The following COP1 variants were observed in gnomAD, a reference collection of about 807,000 sequenced individuals.
The protein encoded by COP1 is COP1 E3 ubiquitin ligase, also known as E3 ubiquitin-protein ligase COP1.
A neutral mutation model predicts 101.3 loss-of-function variants in COP1; 24 were observed. That is an observed-to-expected ratio of 0.24 (90% CI 0.17 to 0.33). The LOEUF (loss-of-function observed/expected upper bound fraction) is 0.33. Ranked by LOEUF, COP1 falls within the 10% of genes least tolerant of loss-of-function variation. The pLI, the probability that COP1 is intolerant of heterozygous loss-of-function variation, is 1.00. For synonymous variants in COP1, 347 were observed against 341.9 expected, an observed-to-expected ratio of 1.01 and a Z score of -0.17; for missense variants, 663 against 906.2, an observed-to-expected ratio of 0.73 and a Z score of 3.45.
intron 9 of COP1, among the ~76,000 whole-genome samples, chr1:176,091,359 CA>C (rs1057404860): frequency 4.0e-4 from 58 of 145,216 alleles, no homozygotes; most frequent in African/African-American, 1.1e-3. Flanking sequence ...AAAAAAAAAA[CA>C]AAAAAAAAAA....
intron 1 of COP1, among the ~76,000 whole-genome samples, chr1:176,197,114 C>T (rs948825408): frequency 1.3e-5 from 2 of 152,144 alleles, no homozygotes; most frequent in African/African-American, 4.8e-5. Context: ...AAAATACAGT[C>T]ATATTGGTGG....
rs753751966 is a variant in COP1, at chr1:176,081,290, A to G, written c.1142-3T>C. The G allele has an allele frequency of 1.8e-5, 27 of 1,540,834 alleles. No homozygotes were observed. In the South Asian group the frequency reaches 2.9e-4, roughly 17 times the overall value. On this transcript the variant is annotated splice_region_variant and splice_polypyrimidine_tract_variant and intron_variant, in intron 10 of 19. Coordinates refer to ENST00000367669, the MANE Select transcript of COP1 (RefSeq NM_022457.7). ...CTGGCTTGCAGTTCGACTGTCATCT[A>G]TATGAAAAAAAAAAAAAAAAGACAA...
intron 12 of COP1, among the ~76,000 whole-genome samples, chr1:176,044,321 TA>T (rs1408788261): frequency 4.6e-5 from 7 of 152,230 alleles, no homozygotes; most frequent in Non-Finnish European, 1.0e-4. Flanking sequence ...TAAAAGCATC[TA>T]AAAGTTAGAA....
At chr1:176,133,457 G>A (rs931743531) in intron 8 of COP1, among the ~76,000 whole-genome samples, 5 of 151,718 alleles carry the variant, frequency 3.3e-5, no homozygotes, top group Admixed American at 2.0e-4. Context: ...TGACTGAAAC[G>A]TCATTATGCA....
chr1:175,986,934 A>G lies in COP1; in HGVS notation c.2133+9T>C. On this transcript the variant is annotated intron_variant, in intron 18 of 19. Coordinates refer to ENST00000367669, the MANE Select transcript of COP1 (RefSeq NM_022457.7). Reference sequence around the variant, plus strand: ...ATCCCAAGGTGAAAAAACTGATATGAAAACTTACCCCATCTGGTAGTGCCC... The same window carrying G: ...ATCCCAAGGTGAAAAAACTGATATGGAAACTTACCCCATCTGGTAGTGCCC... 1 of 1,572,172 alleles carries G rather than the reference A, an allele frequency of 6.4e-7. No homozygotes were observed.
intron 3 of COP1, among the ~76,000 whole-genome samples, chr1:176,175,547 C>A (rs111801798): frequency 2.0e-4 from 31 of 152,272 alleles, no homozygotes; most frequent in African/African-American, 7.2e-4. Context: ...AATCTAATGC[C>A]ACCCACTGAT....
intron 11 of COP1, among the ~76,000 whole-genome samples, chr1:176,068,118 G>A (rs1572041218): frequency 1.3e-5 from 2 of 152,270 alleles, no homozygotes; most frequent in East Asian, 3.9e-4. Flanking sequence ...ACCTAAAACT[G>A]CTCCATAAAA....
At chr1:176,177,369 G>GA (rs942579286) in intron 2 of COP1, among the ~76,000 whole-genome samples, 1 of 140,652 alleles carries the variant, frequency 7.1e-6, no homozygotes, top group Non-Finnish European at 1.6e-5. Flanking sequence ...AAAGAAAAAA[G>GA]AAAAAAATGT....
chr1:176,007,662 C>T (rs1348130974), intron 15 of COP1, among the ~76,000 whole-genome samples: 1 of 152,054 alleles, frequency 6.6e-6, no homozygotes, highest in Non-Finnish European at 1.5e-5. Flanking sequence ...GCTCAGGGGT[C>T]AGGGGTCAGG....
At chr1:176,011,784 G>C (rs1290643864) in intron 15 of COP1, among the ~76,000 whole-genome samples, 3 of 152,162 alleles carry the variant, frequency 2.0e-5, no homozygotes. Context: ...GAGCTGACAA[G>C]TTCCTATCAC....
At chr1:175,976,267 A>ATTATTTTTTTT (rs1225101059) in intron 18 of COP1, among the ~76,000 whole-genome samples, 1 of 41,762 alleles carries the variant, frequency 2.4e-5, no homozygotes, top group Non-Finnish European at 6.1e-5. Flanking sequence ...TCAATTAGTC[A>ATTATTTTTTTT]TTCTTTTTTT....
At chr1:176,165,353 A>G (rs953283368) in intron 3 of COP1, among the ~76,000 whole-genome samples, 1 of 137,114 alleles carries the variant, frequency 7.3e-6, no homozygotes, top group Non-Finnish European at 1.6e-5. Context: ...AGAGAGAGAG[A>G]TGTGTGTCGT....
At chr1:176,013,863 A>G (rs1166044264) in intron 15 of COP1, among the ~76,000 whole-genome samples, 2 of 152,322 alleles carry the variant, frequency 1.3e-5, no homozygotes, top group Middle Eastern at 3.4e-3. Context: ...CTAGGAAAGT[A>G]CCTGTGGCTT....
intron 9 of COP1, among the ~76,000 whole-genome samples, chr1:176,090,349 C>T (rs527732678): frequency 1.4e-4 from 21 of 152,244 alleles, no homozygotes; most frequent in Non-Finnish European, 2.8e-4. Flanking sequence ...GAGACTATGC[C>T]TCAGGCCAGG....
chr1:175,968,334 C>CA, intron 18 of COP1: 1 of 439,780 alleles, frequency 2.3e-6, no homozygotes, highest in Non-Finnish European at 4.5e-6. Flanking sequence ...ATACAGTACT[C>CA]ATAACCAGCA....
chr1:176,175,759 T>C, intron 3 of COP1, 151 bp downstream of exon 3: 1 of 441,064 alleles, frequency 2.3e-6, no homozygotes, highest in East Asian at 3.4e-5. Context: ...GTATAGAATC[T>C]ATGTCACAAC....
intron 2 of COP1, among the ~76,000 whole-genome samples, chr1:176,178,962 G>A (rs971194562): frequency 6.6e-6 from 1 of 151,902 alleles, no homozygotes; most frequent in African/African-American, 2.4e-5. Flanking sequence ...ATCACTTGAG[G>A]TCAGGAGAAT....
At chr1:176,065,248 C>T (rs1572024708) in intron 11 of COP1, among the ~76,000 whole-genome samples, 1 of 152,150 alleles carries the variant, frequency 6.6e-6, no homozygotes, top group East Asian at 1.9e-4. Context: ...TTACTGTGAA[C>T]AGTAGATAGA....
intron 14 of COP1, among the ~76,000 whole-genome samples, chr1:176,038,740 C>G (rs564059064): frequency 6.6e-6 from 1 of 151,862 alleles, no homozygotes; most frequent in African/African-American, 2.4e-5. Context: ...ATCGCTTGAA[C>G]CCGGGAGGCG....
Sources: gnomAD v4.1 joint callset for allele counts (sites outside exome capture counted in the v4.1 genomes callset) on GRCh38, gnomAD v4.1.1 for gene constraint, MANE v1.5 for transcripts, NCBI Gene and HGNC (gene_info 2026-07-23, HGNC 2026-07-21) for gene names.